Variants in INTS6 observed in about 807,000 individuals in gnomAD.
INTS6 encodes the protein DEAD box protein.
Under a neutral mutation model 104.9 loss-of-function variants are expected in INTS6, and 16 were observed. The observed-to-expected ratio is 0.15, with a 90% CI of 0.10 to 0.23. The LOEUF (loss-of-function observed/expected upper bound fraction) is 0.23, where lower values mean the gene tolerates loss of function less well. Ranked by LOEUF, INTS6 falls within the 10% of genes least tolerant of loss-of-function variation. The pLI is 1.00. For missense variants in INTS6, 584 were observed against 1,062.8 expected, an observed-to-expected ratio of 0.55 and a Z score of 6.26; for synonymous variants, 324 against 358.7, an observed-to-expected ratio of 0.90 and a Z score of 1.09.
intron 3 of INTS6, among the ~76,000 whole-genome samples, chr13:51,434,333 T>G (rs1957147762): frequency 6.6e-6 from 1 of 152,138 alleles, no homozygotes. Context: ...CAATATAACT[T>G]CAACTTTCAG....
At chr13:51,412,566 C>T (rs1026955587) in intron 4 of INTS6, among the ~76,000 whole-genome samples, 1 of 152,156 alleles carries the variant, frequency 6.6e-6, no homozygotes, top group Non-Finnish European at 1.5e-5. Flanking sequence ...CACGTGAGCT[C>T]TCTCTCTCCC....
intron 3 of INTS6, chr13:51,442,831 C>T (rs1367536866): frequency 2.6e-5 from 4 of 152,218 alleles, no homozygotes; most frequent in African/African-American, 9.7e-5. Flanking sequence ...AAACTGTCTT[C>T]CACAAAACCA....
Position 51,453,018 on chromosome 13 carries a change from C to A in INTS6, c.-493G>T, listed in dbSNP as rs1323925360. On this transcript the variant is annotated 5_prime_UTR_variant, in exon 1 of 18. Transcript: ENST00000311234. ...CCCGGCGGTGTCACCACTTTCTCAGCCCCTCTCGCTACTGAAGCGCTTTTC... is the reference window on the plus strand; with the variant it reads ...CCCGGCGGTGTCACCACTTTCTCAGACCCTCTCGCTACTGAAGCGCTTTTC... 9.9e-7 allele frequency: 1 copy of A among 1,012,206 alleles called. No individual in the cohort carries two copies. Among genetic ancestry groups the A allele is most frequent in the Non-Finnish European group, 1.2e-6 (1 of 846,622 alleles). 62.7% of individuals were successfully genotyped at this position (1,012,206 alleles called of 1,614,324 possible). A position where few individuals can be genotyped will look rare whatever the true frequency, so the allele number is the denominator to read the frequency against.
the INTS6 span, chr13:51,347,357 G>A: frequency 2.5e-6 from 2 of 815,664 alleles, no homozygotes; most frequent in Non-Finnish European, 4.0e-6. Context: ...TCCATCTGCT[G>A]GACTGGGCAT....
intron 4 of INTS6, among the ~76,000 whole-genome samples, chr13:51,415,008 G>A (rs778728308): frequency 2.6e-5 from 4 of 152,040 alleles, no homozygotes; most frequent in Non-Finnish European, 5.9e-5. Flanking sequence ...CTGAAATGAT[G>A]CAGTGGAAAA....
chr13:51,399,189 T>C (rs557726040), intron 4 of INTS6, among the ~76,000 whole-genome samples: 1 of 151,748 alleles, frequency 6.6e-6, no homozygotes, highest in South Asian at 2.1e-4. Context: ...ATTGCCATAT[T>C]GTTTATCTGT....
intron 15 of INTS6, among the ~76,000 whole-genome samples, chr13:51,371,637 C>G (rs1029432165): frequency 1.3e-5 from 2 of 152,044 alleles, no homozygotes; most frequent in African/African-American, 2.4e-5. Context: ...AGAGTGGTCA[C>G]AATCACCATC....
At chr13:51,410,061 C>T (rs1956655669) in intron 4 of INTS6, among the ~76,000 whole-genome samples, 2 of 152,112 alleles carry the variant, frequency 1.3e-5, no homozygotes, top group South Asian at 4.1e-4. Context: ...CTGAAAACTA[C>T]AAATATTGCT....
intron 4 of INTS6, among the ~76,000 whole-genome samples, chr13:51,428,576 A>C (rs1957027606): frequency 6.6e-6 from 1 of 152,066 alleles, no homozygotes; most frequent in Admixed American, 6.6e-5. Flanking sequence ...TGCCCGCCTC[A>C]GCCTCCCAAA....
chr13:51,397,426 TAAGGCAG>T (rs1260824744), intron 4 of INTS6, among the ~76,000 whole-genome samples: 1 of 152,192 alleles, frequency 6.6e-6, no homozygotes, highest in African/African-American at 2.4e-5. Context: ...CTCTGGCACG[TAAGGCAG>T]AAGGCAGAAG....
chr13:51,403,358 G>A (rs930610176), intron 4 of INTS6, among the ~76,000 whole-genome samples: 12 of 151,922 alleles, frequency 7.9e-5, no homozygotes, highest in East Asian at 1.9e-4. Flanking sequence ...CCAAGGTCAC[G>A]GATCACGAGG....
At chr13:51,395,260 C>G (rs1297989553) in intron 5 of INTS6, 40 bp downstream of exon 5, 6 of 1,539,384 alleles carry the variant, frequency 3.9e-6, no homozygotes, top group Non-Finnish European at 5.2e-6. Flanking sequence ...CAGATAAAAT[C>G]TGCTTTAAGT....
At position 51,378,299 on chromosome 13, in the gene INTS6, G is replaced by C. The variant is rs759276318; in HGVS notation, c.1542C>G (p.His514Gln). 8.7e-6 allele frequency: 14 copies of C among 1,613,352 alleles called. No homozygotes were observed. In the Middle Eastern group the frequency reaches 6.6e-4, roughly 76 times the overall value. Residue 514 changes from histidine (H) to glutamine (Q), a missense_variant, in exon 12 of 18, where the codon CAC becomes CAG. This residue lies in a region of INTS6 where 74 missense variants were observed against 64.4 expected (regional missense o/e 1.15). Transcript: ENST00000311234. ...LLQGISEDVP[H>Q]RLLDLNMKEY... ...CCTTCATATTAAGGTCTAGCAGTCT[G>C]TGAGGGACATCCTCTGAAATTCCCT...
intron 3 of INTS6, chr13:51,450,624 A>G (rs371818129): frequency 3.0e-6 from 3 of 986,750 alleles, no homozygotes; most frequent in African/African-American, 1.7e-5. Flanking sequence ...CAAACAGATT[A>G]ATTTCCTCTA....
At chr13:51,450,296 T>C (rs936054921) in intron 3 of INTS6, 4 of 985,172 alleles carry the variant, frequency 4.1e-6, no homozygotes, top group African/African-American at 3.5e-5. Flanking sequence ...CCTTGCATTA[T>C]TCCTTAGTGA....
intron 11 of INTS6, among the ~76,000 whole-genome samples, chr13:51,379,118 G>A (rs1955994826): frequency 6.6e-6 from 1 of 151,434 alleles, no homozygotes; most frequent in Admixed American, 6.6e-5. Flanking sequence ...AAATCTGCAG[G>A]TTTCAAAACA....
chr13:51,362,028 G>C lies in INTS6; in HGVS notation c.*3724C>G, dbSNP rs373202476. ...TTTATGGTGCTTCAGAAGCTACCCAGTTGCTATCTTCTATCCTAAGAAAGG... is the reference window on the plus strand; with the variant it reads ...TTTATGGTGCTTCAGAAGCTACCCACTTGCTATCTTCTATCCTAAGAAAGG... On this transcript the variant is annotated 3_prime_UTR_variant, in exon 18 of 18. Coordinates refer to ENST00000311234, the MANE Select transcript of INTS6 (RefSeq NM_012141.3). The C allele has an allele frequency of 4.4e-6, 7 of 1,601,672 alleles. No homozygotes were observed. The East Asian group carries it at 6.7e-5, about 15-fold the overall frequency.
In INTS6 at chr13:51,430,375, G is replaced by A. The variant is rs1403893253; in HGVS notation, c.348C>T (p.Asn116=). The A allele has an allele frequency of 6.2e-7, 1 of 1,608,748 alleles. No homozygotes were observed. The highest frequency in any genetic ancestry group is 1.3e-5 in the African/African-American group (1 of 74,694). Reference sequence around the variant, plus strand: ...TTATTGCTGGCTCCAAGAAAAAAGGGTTTCTTCCCTAAAGTCAAAAAACAC... The same window carrying A: ...TTATTGCTGGCTCCAAGAAAAAAGGATTTCTTCCCTAAAGTCAAAAAACAC... The part of the protein sequence containing the change: ...TGIDNYGQGR[N]PFFLEPAIII... The change falls in exon 4 of 18, where the codon AAC becomes AAT. Residue 116 remains asparagine (N), a synonymous_variant. Coordinates refer to ENST00000311234, the MANE Select transcript of INTS6 (RefSeq NM_012141.3).
At chr13:51,371,487 T>C (rs1164554264) in intron 15 of INTS6, among the ~76,000 whole-genome samples, 1 of 152,116 alleles carries the variant, frequency 6.6e-6, no homozygotes, top group Non-Finnish European at 1.5e-5. Context: ...TCACTTTTAC[T>C]AATGTCTGAA....
Sources: allele counts gnomAD v4.1 joint callset (sites outside exome capture counted in the v4.1 genomes callset), GRCh38; gene constraint gnomAD v4.1.1; regional missense constraint gnomAD v4.1.1; transcripts MANE v1.5; gene names NCBI Gene and HGNC (gene_info 2026-07-23, HGNC 2026-07-21).